Variants in MAGI2 observed in about 807,000 individuals in gnomAD.
MAGI2 encodes membrane associated guanylate kinase, WW and PDZ domain containing 2.
MAGI2 carries 35 observed loss-of-function variants against 133.3 expected under a neutral mutation model. The observed-to-expected ratio is 0.26, with a 90% confidence interval of 0.20 to 0.35. The LOEUF (loss-of-function observed/expected upper bound fraction) is 0.35, where lower values mean the gene tolerates loss of function less well. Ranked by LOEUF, MAGI2 falls within the 10% of genes least tolerant of loss-of-function variation. The pLI is 1.00. For missense variants in MAGI2, 1,636 were observed against 1,863.4 expected, an observed-to-expected ratio of 0.88 and a Z score of 2.25; for synonymous variants, 729 against 710.6, an observed-to-expected ratio of 1.03 and a Z score of -0.41.
intron 1 of MAGI2, among the ~76,000 whole-genome samples, chr7:79,273,864 AC>A (rs1297428132): frequency 6.6e-6 from 1 of 152,054 alleles, no homozygotes; most frequent in East Asian, 1.9e-4. Context: ...TTTGTTTATT[AC>A]TATCTGCTCT....
chr7:78,810,182 T>A (rs1788923087), intron 2 of MAGI2, among the ~76,000 whole-genome samples: 3 of 152,270 alleles, frequency 2.0e-5, no homozygotes, highest in South Asian at 4.1e-4. Context: ...GATTTTTTTT[T>A]TATATAACTA....
At chr7:78,667,038 CTTTTT>C (rs1309502933) in intron 2 of MAGI2, among the ~76,000 whole-genome samples, 1 of 152,010 alleles carries the variant, frequency 6.6e-6, no homozygotes, top group African/African-American at 2.4e-5. Flanking sequence ...TTTAATTAAA[CTTTTT>C]ATTTTAAGAT....
chr7:78,376,337 C>G (rs1435687245), intron 6 of MAGI2, among the ~76,000 whole-genome samples: 1 of 152,054 alleles, frequency 6.6e-6, no homozygotes. Flanking sequence ...GAGCACAAAC[C>G]CAGTCAATAT....
intron 18 of MAGI2, among the ~76,000 whole-genome samples, chr7:78,128,584 T>A (rs531884558): frequency 2.8e-4 from 42 of 152,022 alleles, no homozygotes; most frequent in African/African-American, 9.9e-4. Flanking sequence ...TTTTTTTTTT[T>A]AAACTGGCTT....
chr7:78,132,665 T>C (rs1215061673), intron 18 of MAGI2, among the ~76,000 whole-genome samples: 1 of 152,254 alleles, frequency 6.6e-6, no homozygotes, highest in Non-Finnish European at 1.5e-5. Context: ...GCTCACCATT[T>C]CTGCAGGAAA....
intron 9 of MAGI2, among the ~76,000 whole-genome samples, chr7:78,323,145 T>A (rs1788192770): frequency 6.6e-6 from 1 of 152,144 alleles, no homozygotes; most frequent in South Asian, 2.1e-4. Flanking sequence ...TTTAGTCACT[T>A]CTTTATACTG....
At chr7:78,898,720 G>A (rs1287141444) in intron 2 of MAGI2, among the ~76,000 whole-genome samples, 3 of 151,910 alleles carry the variant, frequency 2.0e-5, no homozygotes, top group African/African-American at 7.3e-5. Context: ...TTAATATCCT[G>A]GTGATGAAAT....
chr7:79,094,399 A>C (rs375990003), intron 1 of MAGI2, among the ~76,000 whole-genome samples: 3 of 152,316 alleles, frequency 2.0e-5, no homozygotes, highest in East Asian at 3.9e-4. Flanking sequence ...TATTTATTTC[A>C]CTGAAGTCTT....
chr7:78,795,824 A>G (rs1455072114), intron 2 of MAGI2, among the ~76,000 whole-genome samples: 1 of 152,114 alleles, frequency 6.6e-6, no homozygotes, highest in Admixed American at 6.6e-5. Context: ...TAGAGAACAC[A>G]GAAACAAATC....
chr7:78,696,351 C>T (rs1817515223), intron 2 of MAGI2, among the ~76,000 whole-genome samples: 1 of 152,158 alleles, frequency 6.6e-6, no homozygotes, highest in Non-Finnish European at 1.5e-5. Flanking sequence ...GTTCATCTTA[C>T]CTACTCTGGA....
intron 7 of MAGI2, chr7:78,351,637 T>A (rs1265646705): frequency 6.6e-6 from 1 of 152,036 alleles, no homozygotes; most frequent in Non-Finnish European, 1.5e-5. Context: ...CCAATTCCAA[T>A]TCCCCATCTC....
At chr7:78,226,980 AG>A (rs1381366814) in intron 10 of MAGI2, among the ~76,000 whole-genome samples, 1 of 152,210 alleles carries the variant, frequency 6.6e-6, no homozygotes, top group Non-Finnish European at 1.5e-5. Flanking sequence ...ATCAGATTTT[AG>A]TTTGATTATA....
At chr7:78,971,976 G>C (rs1803828317) in intron 2 of MAGI2, among the ~76,000 whole-genome samples, 3 of 151,644 alleles carry the variant, frequency 2.0e-5, no homozygotes. Context: ...CTACTTTTTT[G>C]AGTTCTACAA....
At chr7:78,917,284 A>G (rs1180549424) in intron 2 of MAGI2, among the ~76,000 whole-genome samples, 2 of 152,068 alleles carry the variant, frequency 1.3e-5, no homozygotes, top group Non-Finnish European at 2.9e-5. Flanking sequence ...TACTGAATTC[A>G]GTCCTGCAGA....
At chr7:78,421,934 A>G (rs1798838485) in intron 6 of MAGI2, among the ~76,000 whole-genome samples, 1 of 152,222 alleles carries the variant, frequency 6.6e-6, no homozygotes, top group Admixed American at 6.5e-5. Context: ...AAATTTATAT[A>G]TCCTCCTAAT....
At chr7:78,404,250 A>G (rs1465324385) in intron 6 of MAGI2, among the ~76,000 whole-genome samples, 5 of 152,152 alleles carry the variant, frequency 3.3e-5, no homozygotes, top group Non-Finnish European at 5.9e-5. Flanking sequence ...TGCCCAAGGT[A>G]ATTTATAGAT....
intron 2 of MAGI2, among the ~76,000 whole-genome samples, chr7:78,688,022 G>T (rs973361825): frequency 1.8e-5 from 2 of 110,214 alleles, no homozygotes; most frequent in African/African-American, 6.4e-5. Context: ...AAGAAAAAAA[G>T]CAAACAGAAA....
intron 6 of MAGI2, among the ~76,000 whole-genome samples, chr7:78,410,487 C>T (rs180678647): frequency 6.6e-6 from 1 of 151,836 alleles, no homozygotes; most frequent in African/African-American, 2.4e-5. Context: ...TTCTCATTGC[C>T]CCCTTTTCCA....
chr7:78,522,375 A>G (rs980486945), intron 3 of MAGI2, among the ~76,000 whole-genome samples: 3 of 152,154 alleles, frequency 2.0e-5, no homozygotes, highest in Admixed American at 2.0e-4. Context: ...TTAAGTGATC[A>G]TCTTTATTAT....
Sources: gnomAD v4.1 joint callset for allele counts (sites outside exome capture counted in the v4.1 genomes callset) on GRCh38, gnomAD v4.1.1 for gene constraint, MANE v1.5 for transcripts, NCBI Gene and HGNC (gene_info 2026-07-23, HGNC 2026-07-21) for gene names.